ASTN2: variants seen among roughly 807,000 people sequenced by gnomAD.
The protein encoded by ASTN2 is astrotactin 2, also known as astrotactin-2.
Under a neutral mutation model 139.8 loss-of-function variants are expected in ASTN2, and 54 were observed. That is an observed-to-expected ratio of 0.39 (90% CI 0.31 to 0.48). The LOEUF is 0.48. Ranked by LOEUF, ASTN2 falls within the 20% of genes least tolerant of loss-of-function variation. ASTN2 has a pLI of 0.95. For synonymous variants in ASTN2, 756 were observed against 719.5 expected, an observed-to-expected ratio of 1.05 and a Z score of -0.81; for missense variants, 1,565 against 1,725.1, an observed-to-expected ratio of 0.91 and a Z score of 1.64.
chr9:116,886,819 C>T (rs1833610702), intron 10 of ASTN2, among the ~76,000 whole-genome samples: 1 of 152,028 alleles, frequency 6.6e-6, no homozygotes, highest in African/African-American at 2.4e-5. Flanking sequence ...GAGTCCTTTC[C>T]CTCTCATGCA....
chr9:116,513,521 T>C (rs556548552), intron 19 of ASTN2, among the ~76,000 whole-genome samples: 200 of 152,244 alleles, frequency 1.3e-3, no homozygotes, highest in Middle Eastern at 6.8e-3. Context: ...GCTTTCTCTG[T>C]ATTTCCTGAA....
At chr9:116,445,542 C>T (rs1847961457) in intron 20 of ASTN2, among the ~76,000 whole-genome samples, 1 of 152,098 alleles carries the variant, frequency 6.6e-6, no homozygotes, top group African/African-American at 2.4e-5. Context: ...CCAAGAGGGC[C>T]CAGGGTCATC....
At chr9:116,511,600 C>T (rs1050359063) in intron 19 of ASTN2, among the ~76,000 whole-genome samples, 1 of 152,106 alleles carries the variant, frequency 6.6e-6, no homozygotes, top group Non-Finnish European at 1.5e-5. Context: ...CCTTGTACCT[C>T]TGGTAGAATT....
chr9:117,290,400 T>C (rs553963469), intron 2 of ASTN2, among the ~76,000 whole-genome samples: 1 of 152,330 alleles, frequency 6.6e-6, no homozygotes, highest in Admixed American at 6.5e-5. Flanking sequence ...AAGCATATAA[T>C]ATAAGCCCAG....
intron 10 of ASTN2, among the ~76,000 whole-genome samples, chr9:116,946,980 TG>T (rs995569257): frequency 1.4e-5 from 2 of 143,468 alleles, no homozygotes; most frequent in African/African-American, 2.6e-5. Flanking sequence ...AATTTCTAGG[TG>T]GGAAAAAGCA....
intron 2 of ASTN2, among the ~76,000 whole-genome samples, chr9:117,219,487 G>C (rs1252819707): frequency 6.6e-6 from 1 of 152,200 alleles, no homozygotes; most frequent in Non-Finnish European, 1.5e-5. Flanking sequence ...AGGGTGACAA[G>C]CTGAGACCCT....
At chr9:117,038,318 T>G (rs183437447) in intron 6 of ASTN2, among the ~76,000 whole-genome samples, 9 of 152,274 alleles carry the variant, frequency 5.9e-5, no homozygotes, top group Admixed American at 1.3e-4. Flanking sequence ...AATGCAAAAT[T>G]TTTTTAAAGA....
chr9:117,412,431 A>G (rs979112453), intron 1 of ASTN2, among the ~76,000 whole-genome samples: 1 of 152,052 alleles, frequency 6.6e-6, no homozygotes, highest in Non-Finnish European at 1.5e-5. Flanking sequence ...GTCCTGGGGG[A>G]ATCAAGACTT....
In ASTN2 at chr9:116,820,751, G is replaced by A; in HGVS notation, c.2073C>T (p.Gly691=). ...CPEELKPMKD[G]SGCYDHSKGI... ...CTTTGGAGTGGTCGTAGCAGCCAGA[G>A]CCATCCTTCATGGGTTTCAGCTCCT... is the stretch of plus-strand genomic sequence containing the variant. The change falls in exon 12 of 23, where the codon GGC becomes GGT. Residue 691 remains glycine (G), a synonymous_variant. Coordinates refer to ENST00000313400, the MANE Select transcript of ASTN2 (RefSeq NM_001365068.1). 1 of 1,614,154 alleles carries A rather than the reference G, an allele frequency of 6.2e-7. No individual in the cohort carries two copies. Among genetic ancestry groups the A allele is most frequent in the Non-Finnish European group, 8.5e-7 (1 of 1,179,986 alleles).
At chr9:116,797,940 C>T (rs1344359982) in intron 13 of ASTN2, among the ~76,000 whole-genome samples, 3 of 152,204 alleles carry the variant, frequency 2.0e-5, no homozygotes, top group Non-Finnish European at 4.4e-5. Context: ...AGGCAATTTA[C>T]TTAACCACTG....
chr9:117,393,906 G>C (rs1210686666), intron 1 of ASTN2, among the ~76,000 whole-genome samples: 1 of 152,120 alleles, frequency 6.6e-6, no homozygotes, highest in African/African-American at 2.4e-5. Flanking sequence ...GGATGGCTGA[G>C]AACAGGCCCA....
intron 10 of ASTN2, among the ~76,000 whole-genome samples, chr9:116,928,302 G>T (rs1834813527): frequency 6.6e-6 from 1 of 152,126 alleles, no homozygotes; most frequent in Admixed American, 6.6e-5. Context: ...AGTCAGCTGT[G>T]ATTGACACCA....
At chr9:117,098,614 G>A (rs536035386) in intron 4 of ASTN2, among the ~76,000 whole-genome samples, 3 of 152,204 alleles carry the variant, frequency 2.0e-5, no homozygotes, top group African/African-American at 7.2e-5. Context: ...GAGACATCAG[G>A]AGACTTCAGA....
At chr9:116,696,950 T>TAAA (rs11400163) in intron 16 of ASTN2, among the ~76,000 whole-genome samples, 2 of 137,118 alleles carry the variant, frequency 1.5e-5, no homozygotes, top group Non-Finnish European at 1.6e-5. Context: ...GTGACATGAT[T>TAAA]AAAAAAAAAA....
At chr9:117,298,632 T>G (rs1834792454) in intron 1 of ASTN2, among the ~76,000 whole-genome samples, 1 of 150,276 alleles carries the variant, frequency 6.7e-6, no homozygotes, top group Non-Finnish European at 1.5e-5. Context: ...TATAGTATCC[T>G]CTTTTACTAC....
At chr9:116,830,314 T>C (rs1831768262) in intron 11 of ASTN2, among the ~76,000 whole-genome samples, 1 of 151,964 alleles carries the variant, frequency 6.6e-6, no homozygotes, top group Non-Finnish European at 1.5e-5. Flanking sequence ...ATGGCTACTA[T>C]TAAAAAGTCA....
intron 3 of ASTN2, chr9:117,180,892 A>G (rs907180684): frequency 1.1e-5 from 18 of 1,588,064 alleles, no homozygotes; most frequent in Non-Finnish European, 1.4e-5. Flanking sequence ...GGCCCTGCGC[A>G]GGGCCTCAAT....
intron 2 of ASTN2, among the ~76,000 whole-genome samples, chr9:117,234,667 C>T (rs1832991108): frequency 6.6e-6 from 1 of 152,180 alleles, no homozygotes; most frequent in South Asian, 2.1e-4. Context: ...GGTTGGGGGT[C>T]TGAAATCTCT....
intron 19 of ASTN2, among the ~76,000 whole-genome samples, chr9:116,500,100 G>GCC (rs1008176222): frequency 5.3e-5 from 8 of 152,036 alleles, no homozygotes; most frequent in Admixed American, 2.0e-4. Context: ...TGGAGTTTCT[G>GCC]CCCAGCCTCA....
Sources: allele counts gnomAD v4.1 joint callset (sites outside exome capture counted in the v4.1 genomes callset), GRCh38; gene constraint gnomAD v4.1.1; transcripts MANE v1.5; gene names NCBI Gene and HGNC (gene_info 2026-07-23, HGNC 2026-07-21).